The following LRRC43 variants were observed in gnomAD, a reference collection of about 807,000 sequenced individuals.
The protein encoded by LRRC43 is leucine rich repeat containing 43.
A neutral mutation model predicts 64.3 loss-of-function variants in LRRC43; 62 were observed. That is an observed-to-expected ratio of 0.96 (90% confidence interval 0.79 to 1.19). The LOEUF (loss-of-function observed/expected upper bound fraction) is 1.19, where lower values mean the gene tolerates loss of function less well. Ranked by LOEUF, LRRC43 falls within the 50% of genes most tolerant of loss-of-function variation. The pLI, the probability that LRRC43 is intolerant of heterozygous loss-of-function variation, is 0.00. For synonymous variants in LRRC43, 422 were observed against 382.3 expected (o/e 1.10, Z -1.21); for missense variants, 868 against 845.0 (o/e 1.03, Z -0.34).
At chr12:122,190,420 G>A (rs768805163) in intron 5 of LRRC43, 52 bp downstream of exon 5, 41 of 1,425,308 alleles carry the variant, frequency 2.9e-5, no homozygotes, top group African/African-American at 9.8e-5. Flanking sequence ...CCCAGCCTGC[G>A]CCTGGCTGTG....
At chr12:122,181,762 C>T (rs540395968), upstream of LRRC43, among the ~76,000 whole-genome samples, 8 of 150,788 alleles carry the variant, frequency 5.3e-5, no homozygotes, top group African/African-American at 1.2e-4. Context: ...TGTGTCACCA[C>T]GCCTGGCTAA....
At chr12:122,167,974 C>G (rs1459050337) in intron 1 of LRRC43, among the ~76,000 whole-genome samples, 2 of 151,562 alleles carry the variant, frequency 1.3e-5, no homozygotes, top group Non-Finnish European at 1.5e-5. Context: ...ACCACCACAC[C>G]TGGCTAATTT....
upstream of LRRC43, among the ~76,000 whole-genome samples, chr12:122,181,634 C>A (rs1487327769): frequency 7.4e-6 from 1 of 134,986 alleles, no homozygotes; most frequent in African/African-American, 2.8e-5. Context: ...TTGAGACAGT[C>A]TCACTCTGTT....
At position 122,203,368 on chromosome 12, in the gene LRRC43, C is replaced by G; in HGVS notation, c.1897C>G (p.Leu633Val). The G allele has an allele frequency of 6.2e-7, 1 of 1,613,556 alleles. No individual in the cohort carries two copies. Among genetic ancestry groups the G allele is most frequent in the Non-Finnish European group, 8.5e-7 (1 of 1,179,968 alleles). The stretch of plus-strand genomic sequence containing the variant: ...CGAAGGCGATTACCACCCTGAGCCC[C>G]TGACCGTAGAGGTGCAGATCCAGCT... ...IYEGDYHPEP[L>V]TVEVQIQLNQ... The change falls in exon 12 of 12, where the codon CTG (leucine) becomes GTG (valine). Residue 633 changes from leucine (L) to valine (V), a missense_variant. Coordinates refer to ENST00000339777, the MANE Select transcript of LRRC43 (RefSeq NM_001098519.2).
In LRRC43 at chr12:122,175,007, T is replaced by C. The variant is rs1482193537; in HGVS notation, c.-406+7225T>C. Reference sequence around the variant, plus strand: ...GGCACGTGCCACCATGCCCAGCTAATTTTTGTATTTTTAGTAGAAATGGGG... The same window carrying C: ...GGCACGTGCCACCATGCCCAGCTAACTTTTGTATTTTTAGTAGAAATGGGG... On this transcript the variant is annotated intron_variant, in intron 1 of 5. Transcript: ENST00000537729. 2.6e-5 allele frequency among the ~76,000 whole-genome samples: 4 copies of C among 151,824 alleles called. No individual in the cohort carries two copies. The East Asian group carries it at 7.8e-4, about 29-fold the overall frequency.
At position 122,200,711 on chromosome 12, in the gene LRRC43, A is replaced by C; in HGVS notation, c.1621-35A>C. Reference sequence around the variant, plus strand: ...GCAGCCTGGCCACACCCTTGCTTCAACTTGTCCCACCCTCCTGTCCTCCCG... The same window carrying C: ...GCAGCCTGGCCACACCCTTGCTTCACCTTGTCCCACCCTCCTGTCCTCCCG... On this transcript the variant is annotated intron_variant, in intron 9 of 11. Transcript: ENST00000339777. The surrounding 1 kb of genome is among the most constrained non-coding windows in gnomAD (Gnocchi z 4.6). 2 of 1,613,130 alleles carry C rather than the reference A, an allele frequency of 1.2e-6. No individual in the cohort carries two copies. The highest frequency in any genetic ancestry group is 2.2e-5 in the East Asian group (1 of 44,848).
At chr12:122,191,343 C>T in intron 5 of LRRC43, 37 bp from the exon 6 acceptor site, 1 of 1,557,566 alleles carries the variant, frequency 6.4e-7, no homozygotes, top group East Asian at 2.3e-5. Flanking sequence ...AACTTCCATT[C>T]CATGGGCCCC....
intron 6 of LRRC43, 128 bp from the exon 7 acceptor site, chr12:122,192,617 A>G (rs969221924): frequency 4.1e-5 from 43 of 1,046,556 alleles, no homozygotes; most frequent in Non-Finnish European, 6.0e-5. Context: ...CCTGCCTCCT[A>G]GCGTGGTGTG....
chr12:122,189,099 G>A (rs1044310484), intron 4 of LRRC43, among the ~76,000 whole-genome samples: 1 of 152,162 alleles, frequency 6.6e-6, no homozygotes, highest in African/African-American at 2.4e-5. Context: ...CAGTGGGTGA[G>A]CGGTAGAAAA....
Position 122,200,992 on chromosome 12 carries a change from C to T in LRRC43, c.1809+58C>T, listed in dbSNP as rs1330993504. On this transcript the variant is annotated intron_variant, in intron 10 of 11. Transcript: ENST00000339777. This position sits in a 1 kb window ranked among gnomAD's most constrained non-coding sequence, Gnocchi z 4.6. ...CTGCCTTCGCCCTCCCCATGGGAACCCCGCGGGCAAGCAAGGGCTGTGGGC... is the reference window on the plus strand; with the variant it reads ...CTGCCTTCGCCCTCCCCATGGGAACTCCGCGGGCAAGCAAGGGCTGTGGGC... 3.9e-6 allele frequency: 6 copies of T among 1,527,742 alleles called. No homozygotes were observed. Among genetic ancestry groups the T allele is most frequent in the East Asian group, 2.3e-5 (1 of 44,230 alleles). 94.6% of individuals were successfully genotyped at this position (1,527,742 alleles called of 1,614,324 possible). A position where few individuals can be genotyped will look rare whatever the true frequency, so the allele number is the denominator to read the frequency against.
At chr12:122,188,258 C>T in intron 4 of LRRC43, among the ~76,000 whole-genome samples, 1 of 152,096 alleles carries the variant, frequency 6.6e-6, no homozygotes, top group Non-Finnish European at 1.5e-5. Context: ...AGGCACCCGC[C>T]ACCATGCCCG....
intron 4 of LRRC43, 164 bp from the exon 5 acceptor site, chr12:122,189,966 T>G (rs560179243): frequency 2.9e-6 from 2 of 688,948 alleles, no homozygotes; most frequent in Non-Finnish European, 5.2e-6. Flanking sequence ...AGCCAGGCAC[T>G]CGTTCCCGAC....
chr12:122,182,586 G>C (rs976507456), upstream of LRRC43, among the ~76,000 whole-genome samples: 2 of 150,438 alleles, frequency 1.3e-5, no homozygotes, highest in Non-Finnish European at 2.9e-5. Flanking sequence ...CCAGCTACTC[G>C]GGAGGCTGAG....
intron 3 of LRRC43, among the ~76,000 whole-genome samples, chr12:122,186,946 A>G (rs1188670463): frequency 6.6e-6 from 1 of 151,226 alleles, no homozygotes; most frequent in Admixed American, 6.6e-5. Flanking sequence ...ATAGAATGCT[A>G]TTCACTCATA....
intron 7 of LRRC43, among the ~76,000 whole-genome samples, chr12:122,195,107 A>T (rs1953761786): frequency 6.6e-6 from 1 of 152,098 alleles, no homozygotes. Context: ...GTTTCGTGTA[A>T]GGCAAATCTA....
chr12:122,191,716 G>A (rs1053065546), intron 6 of LRRC43, 149 bp downstream of exon 6: 91 of 613,410 alleles, frequency 1.5e-4, no homozygotes, highest in Middle Eastern at 4.4e-4. Context: ...GTGCGATGGC[G>A]TAATCTCAGC....
intron 7 of LRRC43, among the ~76,000 whole-genome samples, chr12:122,197,626 G>A (rs1001167798): frequency 1.3e-5 from 2 of 152,072 alleles, no homozygotes; most frequent in Non-Finnish European, 2.9e-5. Flanking sequence ...CAGGAGGCAT[G>A]GTAGAAAGAA....
upstream of LRRC43, among the ~76,000 whole-genome samples, chr12:122,180,089 T>C (rs751004097): frequency 6.6e-6 from 1 of 151,864 alleles, no homozygotes; most frequent in Non-Finnish European, 1.5e-5. Context: ...TCAAAAGCCA[T>C]GAAGAGGTCA....
intron 4 of LRRC43, 141 bp downstream of exon 4, chr12:122,187,981 T>G (rs975860493): frequency 2.5e-6 from 2 of 801,382 alleles, no homozygotes; most frequent in Non-Finnish European, 3.8e-6. Context: ...TTATGGTTTA[T>G]TTCTCTGAAT....
Sources: gnomAD v4.1 joint callset for allele counts (sites outside exome capture counted in the v4.1 genomes callset) on GRCh38, gnomAD v4.1.1 for gene constraint, Gnocchi (gnomAD v3.1) non-coding constraint, MANE v1.5 for transcripts, NCBI Gene and HGNC (gene_info 2026-07-23, HGNC 2026-07-21) for gene names.